CSMD3: variants seen among roughly 807,000 people sequenced by gnomAD.
CSMD3 encodes the protein CUB and sushi domain-containing protein 3.
CSMD3 carries 177 observed loss-of-function variants against 435.2 expected under a neutral mutation model. The ratio of observed to expected loss-of-function variants is 0.41; its 90% CI spans 0.36 to 0.46. The LOEUF is 0.46. Among genes scored for constraint, CSMD3 ranks in the 20% least tolerant of loss-of-function variants. The pLI is 0.34. For synonymous variants in CSMD3, 1,656 were observed against 1,520.5 expected (o/e 1.09, Z -2.07); for missense variants, 4,265 against 4,504.6 (o/e 0.95, Z 1.52).
chr8:112,899,077 G>A (rs148342171), intron 10 of CSMD3, among the ~76,000 whole-genome samples: 25 of 151,160 alleles, frequency 1.7e-4, no homozygotes, highest in Non-Finnish European at 3.3e-4. Flanking sequence ...GCCACAACTC[G>A]GACATGTACA....
chr8:112,569,955 A>G (rs955307595), intron 24 of CSMD3, among the ~76,000 whole-genome samples: 3 of 152,148 alleles, frequency 2.0e-5, no homozygotes, highest in African/African-American at 7.2e-5. Flanking sequence ...CAATGTGAGT[A>G]CTGTGACCTC....
chr8:113,235,842 A>AT (rs772351630), intron 3 of CSMD3, among the ~76,000 whole-genome samples: 2 of 149,032 alleles, frequency 1.3e-5, no homozygotes, highest in Non-Finnish European at 3.0e-5. Flanking sequence ...TGACCACCCA[A>AT]TTTTTTGCAA....
chr8:112,379,190 C>T (rs1383083386), intron 38 of CSMD3, among the ~76,000 whole-genome samples: 2 of 152,118 alleles, frequency 1.3e-5, no homozygotes, highest in African/African-American at 2.4e-5. Context: ...AAATAGTAGG[C>T]GGGACGTGGT....
At chr8:112,513,246 T>C (rs1323948429) in intron 28 of CSMD3, among the ~76,000 whole-genome samples, 1 of 152,204 alleles carries the variant, frequency 6.6e-6, no homozygotes, top group Non-Finnish European at 1.5e-5. Context: ...ATCAGCCTAT[T>C]TGGGCTTTCA....
intron 23 of CSMD3, among the ~76,000 whole-genome samples, chr8:112,583,416 T>C (rs979333795): frequency 6.6e-6 from 1 of 151,998 alleles, no homozygotes; most frequent in African/African-American, 2.4e-5. Flanking sequence ...TGCTGTTCTG[T>C]CAATGTACTT....
At chr8:112,775,849 A>G (rs1563948775) in intron 13 of CSMD3, among the ~76,000 whole-genome samples, 1 of 151,896 alleles carries the variant, frequency 6.6e-6, no homozygotes, top group Non-Finnish European at 1.5e-5. Context: ...AATTTTCACA[A>G]TAGTATTCTA....
At chr8:113,394,313 G>A (rs1308722250) in intron 1 of CSMD3, among the ~76,000 whole-genome samples, 1 of 151,698 alleles carries the variant, frequency 6.6e-6, no homozygotes, top group African/African-American at 2.4e-5. Flanking sequence ...CAAAGAGAAG[G>A]GAAATATTAT....
Position 112,373,020 on chromosome 8 carries a change from A to T in CSMD3, c.6136+7332T>A, listed in dbSNP as rs1360615430. Among the ~76,000 whole-genome samples the T allele has an allele frequency of 1.3e-3, 139 of 108,388 alleles. 1 individual carries two copies. The highest frequency in any genetic ancestry group is 3.9e-3 in the African/African-American group (124 of 31,864). 71.1% of individuals were successfully genotyped at this position (108,388 alleles called of 152,430 possible). On this transcript the variant is annotated intron_variant, in intron 38 of 70. Coordinates refer to ENST00000297405, the MANE Select transcript of CSMD3 (RefSeq NM_198123.2). Reference sequence around the variant, plus strand: ...TATATATAAAAATATATATATATATATATTTTTTTTCTCATGAGTAGAAAA... The same window carrying T: ...TATATATAAAAATATATATATATATTTATTTTTTTTCTCATGAGTAGAAAA...
At chr8:113,419,077 A>G (rs1388394435) in intron 1 of CSMD3, among the ~76,000 whole-genome samples, 1 of 150,816 alleles carries the variant, frequency 6.6e-6, no homozygotes, top group Non-Finnish European at 1.5e-5. Context: ...ATTTGTACAT[A>G]TTTAAAGGGT....
At chr8:113,209,636 A>G (rs1443328589) in intron 3 of CSMD3, among the ~76,000 whole-genome samples, 1 of 152,184 alleles carries the variant, frequency 6.6e-6, no homozygotes, top group Non-Finnish European at 1.5e-5. Flanking sequence ...AGAAAACGAA[A>G]TACGTGAGAT....
At chr8:112,445,070 C>G (rs1163000831) in intron 32 of CSMD3, among the ~76,000 whole-genome samples, 1 of 151,912 alleles carries the variant, frequency 6.6e-6, no homozygotes, top group Admixed American at 6.6e-5. Flanking sequence ...TGGTGAAACC[C>G]CTTCTCTCCT....
At chr8:113,348,944 C>A (rs533862991) in intron 1 of CSMD3, among the ~76,000 whole-genome samples, 2 of 152,048 alleles carry the variant, frequency 1.3e-5, no homozygotes, top group African/African-American at 4.8e-5. Flanking sequence ...CAAATATAAT[C>A]ATTAATTTTA....
intron 9 of CSMD3, among the ~76,000 whole-genome samples, chr8:112,930,721 G>T (rs2083077392): frequency 6.6e-6 from 1 of 151,956 alleles, no homozygotes; most frequent in African/African-American, 2.4e-5. Flanking sequence ...ATAGAAATTT[G>T]CAAGAGTAAC....
At chr8:112,913,789 T>C (rs186460290) in intron 10 of CSMD3, among the ~76,000 whole-genome samples, 1 of 151,984 alleles carries the variant, frequency 6.6e-6, no homozygotes, top group Non-Finnish European at 1.5e-5. Context: ...TCAATCTCTA[T>C]GTCTGTCTTT....
At chr8:113,299,153 T>C (rs1027531023) in intron 2 of CSMD3, among the ~76,000 whole-genome samples, 3 of 152,162 alleles carry the variant, frequency 2.0e-5, no homozygotes, top group African/African-American at 7.2e-5. Flanking sequence ...TGATAAAGGA[T>C]AAATACATAA....
At position 113,098,924 on chromosome 8, in the gene CSMD3, C is replaced by T. The variant is rs2131547539; in HGVS notation, c.749G>A (p.Gly250Asp). 1 of 1,612,032 alleles carries T rather than the reference C, an allele frequency of 6.2e-7. No homozygotes were observed. Among genetic ancestry groups the T allele is most frequent in the East Asian group, 2.2e-5 (1 of 44,834 alleles). Reference sequence around the variant, plus strand: ...AGGAAAACTAGGGCTGGATATGATGCCACTGGATCCTCTCATTGTTCCTCC... The same window carrying T: ...AGGAAAACTAGGGCTGGATATGATGTCACTGGATCCTCTCATTGTTCCTCC... ...ACGGTMRGSS[G>D]IISSPSFPNE... Residue 250 changes from glycine (G) to aspartate (D), a missense_variant, in exon 5 of 71, where the codon GGC becomes GAC. This residue lies in a region of CSMD3 where 731 missense variants were observed against 755.4 expected (regional missense o/e 0.97). Coordinates refer to ENST00000297405, the MANE Select transcript of CSMD3 (RefSeq NM_198123.2).
At chr8:112,952,265 C>T (rs1043289619) in intron 8 of CSMD3, among the ~76,000 whole-genome samples, 10 of 151,412 alleles carry the variant, frequency 6.6e-5, no homozygotes, top group African/African-American at 2.2e-4. Flanking sequence ...TCTAAAGGTG[C>T]CATTATGAGA....
intron 9 of CSMD3, among the ~76,000 whole-genome samples, chr8:112,929,399 A>C (rs1003804265): frequency 2.7e-5 from 4 of 149,786 alleles, no homozygotes; most frequent in African/African-American, 7.4e-5. Context: ...TAAAAAAAAA[A>C]GATTTCAAGA....
At chr8:112,716,060 G>A (rs1167020676) in intron 13 of CSMD3, among the ~76,000 whole-genome samples, 2 of 152,086 alleles carry the variant, frequency 1.3e-5, no homozygotes, top group African/African-American at 4.8e-5. Context: ...GCATAGTATT[G>A]GAAGATTTGT....
Sources: allele counts gnomAD v4.1 joint callset (sites outside exome capture counted in the v4.1 genomes callset), GRCh38; gene constraint gnomAD v4.1.1; regional missense constraint gnomAD v4.1.1; transcripts MANE v1.5; gene names NCBI Gene and HGNC (gene_info 2026-07-23, HGNC 2026-07-21).